Variants in RNF170 observed in about 807,000 individuals in gnomAD.
RNF170 encodes the protein E3 ubiquitin-protein ligase RNF170.
Under a neutral mutation model 32.7 loss-of-function variants are expected in RNF170, and 12 were observed. The observed-to-expected ratio is 0.37, with a 90% confidence interval of 0.24 to 0.60. The LOEUF (loss-of-function observed/expected upper bound fraction) is 0.60, where lower values mean the gene tolerates loss of function less well. Among genes scored for constraint, RNF170 ranks in the 20% least tolerant of loss-of-function variants. RNF170 has a pLI of 0.72. For missense variants in RNF170, 212 were observed against 311.2 expected (o/e 0.68, Z 2.40); for synonymous variants, 91 against 103.6 (o/e 0.88, Z 0.74).
chr8:42,856,973 C>A (rs1032950864), intron 6 of RNF170, among the ~76,000 whole-genome samples: 6 of 152,224 alleles, frequency 3.9e-5, no homozygotes, highest in Non-Finnish European at 4.4e-5. Flanking sequence ...AAAAGAGATA[C>A]TGTGTATGAA....
At position 42,868,461 on chromosome 8, in the gene RNF170, T is replaced by A. The variant is rs770036946; in HGVS notation, c.322+1543A>T. Among the ~76,000 whole-genome samples, 2 of 152,224 alleles carry A rather than the reference T, an allele frequency of 1.3e-5. 1 individual carries two copies. The highest frequency in any genetic ancestry group is 4.1e-4 in the South Asian group (2 of 4,834). On this transcript the variant is annotated intron_variant, in intron 4 of 6. Coordinates refer to ENST00000527424, the MANE Select transcript of RNF170 (RefSeq NM_030954.4). The stretch of plus-strand genomic sequence containing the variant: ...AACAATAAAAAACTAGGTCTAGTGA[T>A]TGGACAAATCGAAGTGGCTTCGAGT...
At chr8:42,895,390 G>C (rs548880030) in intron 1 of RNF170, among the ~76,000 whole-genome samples, 2 of 152,082 alleles carry the variant, frequency 1.3e-5, no homozygotes, top group South Asian at 4.2e-4. Context: ...ACTCTTAATG[G>C]AAAAAAAGTG....
rs1423002810 is a variant in RNF170 at position 42,887,744 on chromosome 8, C to G, written c.121G>C (p.Val41Leu). The G allele has an allele frequency of 6.2e-7, 1 of 1,614,068 alleles. No individual in the cohort carries two copies. The highest frequency in any genetic ancestry group is 8.5e-7 in the Non-Finnish European group (1 of 1,179,994). Reference protein sequence around the residue: ...VVSFALIATLVYALFRNVHQN... With the variant: ...VVSFALIATLLYALFRNVHQN... ...AAATCTCACCTGAAAAGTGCATATACCAGGGTAGCAATCAAAGCGAAACTG... is the reference window on the plus strand; with the variant it reads ...AAATCTCACCTGAAAAGTGCATATAGCAGGGTAGCAATCAAAGCGAAACTG... Residue 41 changes from valine (V) to leucine (L), a missense_variant, in exon 2 of 7, where the codon GTA (valine) becomes CTA (leucine). This residue lies in a region of RNF170 where 115 missense variants were observed against 132.3 expected (regional missense o/e 0.87). Transcript: ENST00000527424.
intron 1 of RNF170, among the ~76,000 whole-genome samples, chr8:42,888,710 G>A (rs1277648448): frequency 6.6e-6 from 1 of 152,074 alleles, no homozygotes; most frequent in South Asian, 2.1e-4. Context: ...GTGAGGCCCA[G>A]AGAGCGCCAC....
intron 6 of RNF170, among the ~76,000 whole-genome samples, chr8:42,858,733 G>C (rs1803431475): frequency 6.6e-6 from 1 of 152,218 alleles, no homozygotes; most frequent in Non-Finnish European, 1.5e-5. Context: ...AGTGTCAGGT[G>C]TGACAGCCTT....
At chr8:42,892,957 A>G (rs1402298325) in intron 1 of RNF170, among the ~76,000 whole-genome samples, 1 of 152,224 alleles carries the variant, frequency 6.6e-6, no homozygotes, top group Non-Finnish European at 1.5e-5. Flanking sequence ...ACTGCACTCC[A>G]GCCTCGGTGA....
intron 2 of RNF170, among the ~76,000 whole-genome samples, chr8:42,886,663 G>T (rs1375656583): frequency 2.0e-5 from 3 of 152,108 alleles, no homozygotes; most frequent in Non-Finnish European, 4.4e-5. Flanking sequence ...CTGACCTCAG[G>T]TGATCCGCCT....
chr8:42,856,464 C>T (rs1199545016), intron 6 of RNF170, 36 bp from the exon 7 acceptor site: 5 of 1,408,248 alleles, frequency 3.6e-6, no homozygotes, highest in South Asian at 1.2e-5. Context: ...TGATTCAGCA[C>T]CTAATGTGTC....
chr8:42,896,372 G>T (rs1407141449), intron 1 of RNF170, 112 bp downstream of exon 1: 1 of 427,134 alleles, frequency 2.3e-6, no homozygotes, highest in African/African-American at 2.1e-5. Flanking sequence ...GGCGACTCCC[G>T]CCGCCCCGCA....
chr8:42,895,136 G>A (rs1387599535), intron 1 of RNF170, among the ~76,000 whole-genome samples: 2 of 151,790 alleles, frequency 1.3e-5, no homozygotes, highest in South Asian at 2.1e-4. Flanking sequence ...GCAACATAGC[G>A]AGACCCCCTC....
chr8:42,879,911 G>A (rs777449575), intron 2 of RNF170, among the ~76,000 whole-genome samples: 4 of 152,132 alleles, frequency 2.6e-5, no homozygotes, highest in Non-Finnish European at 4.4e-5. Context: ...CTGGCCTCAA[G>A]TGATCTGCCT....
At chr8:42,895,687 C>A (rs1426629999) in intron 1 of RNF170, among the ~76,000 whole-genome samples, 1 of 152,182 alleles carries the variant, frequency 6.6e-6, no homozygotes, top group African/African-American at 2.4e-5. Flanking sequence ...TACTAGGCAA[C>A]AATTAAAATT....
At chr8:42,861,088 C>G (rs991162556) in intron 6 of RNF170, among the ~76,000 whole-genome samples, 3 of 152,322 alleles carry the variant, frequency 2.0e-5, no homozygotes, top group African/African-American at 7.2e-5. Flanking sequence ...AACTGTGAAA[C>G]TTAAAGTTTT....
At position 42,854,795 on chromosome 8, in the gene RNF170, G is replaced by A. The variant is rs1024081230; in HGVS notation, c.*1364C>T. ...ATCCTGCTGTCATACATTCACTAAT[G>A]AGCAACGCCAGCTGAAGTGAGTAAG... On this transcript the variant is annotated 3_prime_UTR_variant, in exon 7 of 7. Transcript: ENST00000527424. The A allele has an allele frequency of 1.1e-5, 14 of 1,287,224 alleles. No homozygotes were observed. The African/African-American group carries it at 2.0e-4, about 18-fold the overall frequency. 79.7% of individuals were successfully genotyped at this position (1,287,224 alleles called of 1,614,324 possible).
chr8:42,875,940 T>C (rs930310233), intron 2 of RNF170, among the ~76,000 whole-genome samples: 1 of 152,198 alleles, frequency 6.6e-6, no homozygotes, highest in African/African-American at 2.4e-5. Context: ...ATTGAACAGA[T>C]GATCTGTGAA....
rs187976947 is a variant in RNF170, at chr8:42,881,827, C to T, written c.137+5901G>A. ...GTGCACACCTATCATCCCAGCTACC[C>T]GGGAGGCTGAGGTGGGAGGATCACT... On this transcript the variant is annotated intron_variant, in intron 2 of 6. Transcript: ENST00000527424. Among the ~76,000 whole-genome samples, 14 of 151,918 alleles carry T rather than the reference C, an allele frequency of 9.2e-5. No homozygotes were observed. The South Asian group carries it at 1.5e-3, about 16-fold the overall frequency.
intron 6 of RNF170, among the ~76,000 whole-genome samples, chr8:42,858,873 T>A (rs1467809410): frequency 1.3e-5 from 2 of 152,088 alleles, no homozygotes; most frequent in African/African-American, 4.8e-5. Flanking sequence ...TAAGCCACAG[T>A]AAGGAGTTGG....
At chr8:42,884,134 A>G (rs1007117140) in intron 2 of RNF170, among the ~76,000 whole-genome samples, 2 of 151,762 alleles carry the variant, frequency 1.3e-5, no homozygotes, top group Non-Finnish European at 2.9e-5. Context: ...AGGCTGGAGT[A>G]CAGTGGCGTG....
chr8:42,873,931 C>T lies in RNF170; in HGVS notation c.213G>A (p.Gln71=), dbSNP rs762334245. 15 of 1,537,176 alleles carry T rather than the reference C, an allele frequency of 9.8e-6. No homozygotes were observed. The highest frequency in any genetic ancestry group is 1.4e-5 in the Non-Finnish European group (15 of 1,110,206). ...CCTCAAATAAATACATATACAATAC[C>T]TGTTCTGTTTGAAGCTGTTCTCGAA... ...RVLREQLQTE[Q]DAPAATRQQF... The change falls in exon 3 of 7, where the codon CAG becomes CAA. Residue 71 remains glutamine (Q), a splice_region_variant and synonymous_variant. Transcript: ENST00000527424.
Sources: gnomAD v4.1 joint callset for allele counts (sites outside exome capture counted in the v4.1 genomes callset) on GRCh38, gnomAD v4.1.1 for gene constraint, gnomAD v4.1.1 regional missense constraint, MANE v1.5 for transcripts, NCBI Gene and HGNC (gene_info 2026-07-23, HGNC 2026-07-21) for gene names.